HM13: variants seen among roughly 807,000 people sequenced by gnomAD.
HM13 encodes the protein histocompatibility minor 13.
A neutral mutation model predicts 50.0 loss-of-function variants in HM13; 18 were observed. The observed-to-expected ratio is 0.36, with a 90% CI of 0.25 to 0.53. The LOEUF (loss-of-function observed/expected upper bound fraction) is 0.53, where lower values mean the gene tolerates loss of function less well. Ranked by LOEUF, HM13 falls within the 20% of genes least tolerant of loss-of-function variation. HM13 has a pLI of 0.90. For synonymous variants in HM13, 197 were observed against 232.6 expected (o/e 0.85, Z 1.39); for missense variants, 393 against 552.4 (o/e 0.71, Z 2.89).
Position 31,554,526 on chromosome 20 carries a change from CA to C in HM13, c.725-214del. The C allele has an allele frequency of 8.4e-6, 4 of 473,742 alleles. No homozygotes were observed. In the Admixed American group the frequency reaches 1.0e-4, roughly 12 times the overall value. The allele number at this position is 473,742 out of a possible 1,614,324, so 29.3% of individuals were successfully genotyped here. A position where few individuals can be genotyped will look rare whatever the true frequency, so the allele number is the denominator to read the frequency against. On this transcript the variant is annotated intron_variant, in intron 7 of 12. Transcript: ENST00000398174. ...TGAAACCCCGTCTCTACTAAAAATA[CA>C]AAAAATTAGCTGGGTGCGGTGGTGG...
chr20:31,561,814 G>A, intron 10 of HM13, 78 bp downstream of exon 10: 1 of 1,025,020 alleles, frequency 9.8e-7, no homozygotes, highest in Non-Finnish European at 1.5e-6. Flanking sequence ...ATTTGTAAAT[G>A]CAAGCAGTCC....
chr20:31,559,754 A>G, intron 9 of HM13, 107 bp downstream of exon 9: 1 of 969,142 alleles, frequency 1.0e-6, no homozygotes, highest in East Asian at 2.4e-5. Flanking sequence ...CCACCCCCAC[A>G]GCAGCCAGAG....
chr20:31,560,157 G>A (rs546803779), intron 9 of HM13, among the ~76,000 whole-genome samples: 1 of 152,348 alleles, frequency 6.6e-6, no homozygotes, highest in East Asian at 1.9e-4. Context: ...GTTGTAGACA[G>A]TGAGCACGAG....
rs374885732 is a variant in HM13, at chr20:31,550,160, C to T, written c.724+39C>T. 14 of 1,533,472 alleles carry T rather than the reference C, an allele frequency of 9.1e-6. No homozygotes were observed. The East Asian group carries it at 2.9e-4, about 32-fold the overall frequency. 95.0% of individuals were successfully genotyped at this position (1,533,472 alleles called of 1,614,324 possible). On this transcript the variant is annotated intron_variant, in intron 7 of 12. Coordinates refer to ENST00000398174, the MANE Select transcript of HM13 (RefSeq NM_178581.3). Reference sequence around the variant, plus strand: ...CTGCCACAGGGAACCCCTTCCCCCACCCCTGCCGGGCCATGCCCCCACAGC... The same window carrying T: ...CTGCCACAGGGAACCCCTTCCCCCATCCCTGCCGGGCCATGCCCCCACAGC...
chr20:31,530,954 C>T (rs772288558), intron 2 of HM13, among the ~76,000 whole-genome samples: 2 of 152,234 alleles, frequency 1.3e-5, no homozygotes, highest in Non-Finnish European at 2.9e-5. Context: ...TTCCCACTGA[C>T]AGTTACAAGT....
rs150603013 is a variant in HM13, at chr20:31,525,372, G to GT, written c.184-2106dup. Among the ~76,000 whole-genome samples, 141 of 152,190 alleles carry GT rather than the reference G, an allele frequency of 9.3e-4. 4 individuals carry two copies. In the East Asian group the frequency reaches 0.025, roughly 26 times the overall value. ...CTCCAGACACCCTCTCTCTTAGCAG[G>GT]TTTTTTATTGTTGGTTTTTGTCAGC... On this transcript the variant is annotated intron_variant, in intron 1 of 12. Coordinates refer to ENST00000398174, the MANE Select transcript of HM13 (RefSeq NM_178581.3).
intron 8 of HM13, among the ~76,000 whole-genome samples, chr20:31,557,386 C>T (rs1390381695): frequency 6.6e-6 from 1 of 152,208 alleles, no homozygotes; most frequent in Non-Finnish European, 1.5e-5. Context: ...TCTGTCCTTT[C>T]CCCACCCTCT....
chr20:31,547,417 G>A (rs1983787022), intron 4 of HM13: 3 of 462,128 alleles, frequency 6.5e-6, no homozygotes, highest in African/African-American at 4.2e-5. Context: ...GCCGCGTGGC[G>A]CCCGCGCCGG....
intron 1 of HM13, among the ~76,000 whole-genome samples, chr20:31,515,564 C>T (rs73232400): frequency 1.3e-5 from 2 of 152,048 alleles, no homozygotes; most frequent in South Asian, 4.2e-4. Flanking sequence ...TCTCCCCATA[C>T]CCCCAAGACA....
At chr20:31,558,333 C>G (rs1382783607) in intron 8 of HM13, among the ~76,000 whole-genome samples, 2 of 152,108 alleles carry the variant, frequency 1.3e-5, no homozygotes, top group Non-Finnish European at 2.9e-5. Context: ...CCACAGGGGC[C>G]TTTTTCAAAA....
intron 8 of HM13, among the ~76,000 whole-genome samples, chr20:31,556,475 G>T (rs1984321115): frequency 6.6e-6 from 1 of 152,146 alleles, no homozygotes; most frequent in East Asian, 1.9e-4. Context: ...TGTGACAGTT[G>T]CATTTTGTGA....
chr20:31,547,831 A>G (rs996569607), intron 4 of HM13: 1 of 937,794 alleles, frequency 1.1e-6, no homozygotes, highest in Non-Finnish European at 1.8e-6. Flanking sequence ...CAGTGGCGCA[A>G]ATATTATGTG....
At chr20:31,517,130 GAGTTAGTGTGGGGACCC>G (rs1166915101) in intron 1 of HM13, among the ~76,000 whole-genome samples, 13 of 152,170 alleles carry the variant, frequency 8.5e-5, no homozygotes, top group Non-Finnish European at 1.8e-4. Context: ...GGAGAGAGAA[GAGTTAGTGTGGGGACCC>G]AGTTTTGATT....
chr20:31,535,884 AC>A (rs1294258882), intron 2 of HM13, among the ~76,000 whole-genome samples: 1 of 152,308 alleles, frequency 6.6e-6, no homozygotes, highest in African/African-American at 2.4e-5. Context: ...GGTCCATAGC[AC>A]CAGGAAAGCA....
chr20:31,536,618 G>C (rs1983122782), intron 2 of HM13, among the ~76,000 whole-genome samples: 1 of 152,120 alleles, frequency 6.6e-6, no homozygotes, highest in African/African-American at 2.4e-5. Flanking sequence ...GGCACTGCAG[G>C]GTCTGGCTCC....
rs759894516 is a variant in HM13 at position 31,559,635 on chromosome 20, G to A, written c.833G>A (p.Arg278His). The part of the protein sequence containing the change: ...IPGIFIALLL[R>H]FDISLKKNTH... ...GGGATCTTCATTGCCTTGCTGCTGCGCTTTGACATCAGGTGAGTGAGTGAG... is the reference window on the plus strand; with the variant it reads ...GGGATCTTCATTGCCTTGCTGCTGCACTTTGACATCAGGTGAGTGAGTGAG... The change falls in exon 9 of 13, where the codon CGC becomes CAC. Residue 278 changes from arginine (R) to histidine (H), a missense_variant. Coordinates refer to ENST00000398174, the MANE Select transcript of HM13 (RefSeq NM_178581.3). 1.9e-6 allele frequency: 3 copies of A among 1,614,014 alleles called. No individual in the cohort carries two copies. Among genetic ancestry groups the A allele is most frequent in the Admixed American group, 1.7e-5 (1 of 59,978 alleles).
intron 7 of HM13, chr20:31,550,411 G>T: frequency 2.6e-6 from 1 of 390,584 alleles, no homozygotes; most frequent in South Asian, 3.2e-5. Flanking sequence ...CACGCGCAGG[G>T]GCTTTCCAGG....
intron 7 of HM13, 189 bp from the exon 8 acceptor site, chr20:31,554,557 C>CTGTA: frequency 1.9e-6 from 1 of 535,448 alleles, no homozygotes; most frequent in South Asian, 2.1e-5. Context: ...TGGTGGGCGC[C>CTGTA]TGTAGTTCCA....
intron 9 of HM13, 67 bp from the exon 10 acceptor site, chr20:31,561,567 G>C: frequency 9.1e-7 from 1 of 1,100,976 alleles, no homozygotes; most frequent in Non-Finnish European, 1.4e-6. Flanking sequence ...AGCTCCCTCA[G>C]AAGGGGTATT....
Sources: allele counts gnomAD v4.1 joint callset (sites outside exome capture counted in the v4.1 genomes callset), GRCh38; gene constraint gnomAD v4.1.1; transcripts MANE v1.5; gene names NCBI Gene and HGNC (gene_info 2026-07-23, HGNC 2026-07-21).